Variants in SPEG observed in about 807,000 individuals in gnomAD.
The protein encoded by SPEG is striated muscle enriched protein kinase.
In SPEG, 114 loss-of-function variants were observed where a neutral mutation model predicts 300.4. The ratio of observed to expected loss-of-function variants is 0.38; its 90% CI spans 0.33 to 0.44. The LOEUF is 0.44. Among genes scored for constraint, SPEG ranks in the 20% least tolerant of loss-of-function variants. The pLI, the probability that SPEG is intolerant of heterozygous loss-of-function variation, is 1.00. For synonymous variants in SPEG, 1,964 were observed against 2,018.9 expected (o/e 0.97, Z 0.73); for missense variants, 4,201 against 4,586.2 (o/e 0.92, Z 2.43).
intron 28 of SPEG, chr2:219,482,545 C>A (rs768208523): frequency 1.5e-5 from 8 of 521,162 alleles, no homozygotes; most frequent in Non-Finnish European, 2.7e-5. Flanking sequence ...CCTAGGGGAG[C>A]CACCAGTTTC....
intron 6 of SPEG, chr2:219,460,823 A>C: frequency 1.0e-6 from 1 of 986,160 alleles, no homozygotes. Flanking sequence ...TTCTCCGTGC[A>C]GGGCCTCAGC....
rs546447725 is a variant in SPEG, at chr2:219,475,672, C to A, written c.4448-1198C>A. 2.5e-3 allele frequency among the ~76,000 whole-genome samples: 384 copies of A among 152,318 alleles called. 2 individuals are homozygous for A. The highest frequency in any genetic ancestry group is 8.8e-3 in the African/African-American group (367 of 41,564). ...CCTTTCTTCCCAGATATAGGAGGAG[C>A]CCTGAAGTTTGGGGAGCCCCTGGCC... On this transcript the variant is annotated intron_variant, in intron 18 of 40. Coordinates refer to ENST00000312358, the MANE Select transcript of SPEG (RefSeq NM_005876.5).
intron 6 of SPEG, chr2:219,460,609 C>A (rs1190808290): frequency 2.0e-6 from 2 of 985,340 alleles, no homozygotes; most frequent in Non-Finnish European, 2.4e-6. Flanking sequence ...AAAGGCAGAT[C>A]CCGCGGCTTG....
Position 219,448,153 on chromosome 2 carries a change from C to T in SPEG, c.995C>T (p.Pro332Leu), listed in dbSNP as rs746036071. ...CCCCCGGCCCAGCCCGCGGCCACCC[C>T]CACGTCGCCCCACCGTCGCACTCAG... ...PGPPAQPAAT[P>L]TSPHRRTQEP... Residue 332 changes from proline to leucine, a missense_variant, in exon 4 of 41, where the codon CCC becomes CTC. Around this residue, in one of 4 missense-constraint regions of SPEG, gnomAD observed 1,258 missense variants for 1,293.9 expected, o/e 0.97. Coordinates refer to ENST00000312358, the MANE Select transcript of SPEG (RefSeq NM_005876.5). 5.7e-5 allele frequency: 91 copies of T among 1,609,598 alleles called. No homozygotes were observed. The highest frequency in any genetic ancestry group is 1.6e-4 in the Middle Eastern group (1 of 6,062).
At chr2:219,468,516 T>G in intron 10 of SPEG, 62 bp from the exon 11 acceptor site, 1 of 1,563,534 alleles carries the variant, frequency 6.4e-7, no homozygotes, top group Non-Finnish European at 8.7e-7. Flanking sequence ...TCAGGAGTGG[T>G]GGGTTGGGAT....
At position 219,451,694 on chromosome 2, in the gene SPEG, G is replaced by A. The variant is rs771136294; in HGVS notation, c.2327G>A (p.Arg776Gln). ...CTCCTCCTCCGGGCTGAGGGTGAGC[G>A]GCACACCCTGCTGCTCAGGGAGGCC... ...GRLLLRAEGE[R>Q]HTLLLREARA... Residue 776 changes from arginine (R) to glutamine (Q), a missense_variant, in exon 6 of 41, where the codon CGG becomes CAG. By Grantham distance (43) the Arg-to-Gln change is conservative. Around this residue, in one of 4 missense-constraint regions of SPEG, gnomAD observed 1,258 missense variants for 1,293.9 expected, o/e 0.97. Coordinates refer to ENST00000312358, the MANE Select transcript of SPEG (RefSeq NM_005876.5). The surrounding 1 kb of genome is among the most constrained non-coding windows in gnomAD (Gnocchi z 6.4). 12 of 1,576,190 alleles carry A rather than the reference G, an allele frequency of 7.6e-6. No homozygotes were observed. The highest frequency in any genetic ancestry group is 4.0e-5 in the African/African-American group (3 of 74,286).
At position 219,490,414 on chromosome 2, in the gene SPEG, G is replaced by A. The variant is rs768835793; in HGVS notation, c.8927G>A (p.Arg2976His). The A allele has an allele frequency of 7.5e-6, 12 of 1,610,022 alleles. No homozygotes were observed. Among genetic ancestry groups the A allele is most frequent in the African/African-American group, 1.3e-5 (1 of 74,882 alleles). Reference protein sequence around the residue: ...YTFLEEKARGRFGVVRACREN... With the variant: ...YTFLEEKARGHFGVVRACREN... ...TCCCTCCCCCCGACACACAGGGGCC[G>A]CTTTGGTGTTGTGCGAGCGTGCCGG... Residue 2976 changes from arginine to histidine, a missense_variant, in exon 37 of 41, where the codon CGC becomes CAC. By Grantham distance (29) the Arg-to-His change is conservative. This residue lies in a region of SPEG where 318 missense variants were observed against 429.5 expected (regional missense o/e 0.74). Coordinates refer to ENST00000312358, the MANE Select transcript of SPEG (RefSeq NM_005876.5).
At chr2:219,468,793 G>A in intron 11 of SPEG, 57 bp downstream of exon 11, 1 of 1,609,106 alleles carries the variant, frequency 6.2e-7, no homozygotes, top group South Asian at 1.1e-5. Flanking sequence ...GGCGGCGATG[G>A]GGTGCACCCA....
At chr2:219,467,518 G>A (rs918066255) in intron 10 of SPEG, 84 bp downstream of exon 10, 5 of 1,487,556 alleles carry the variant, frequency 3.4e-6, no homozygotes, top group Admixed American at 1.9e-5. Flanking sequence ...AAGATGCCTG[G>A]GAAACAGAGC....
rs891268540 is a variant in SPEG, at chr2:219,443,040, A to G, written c.389-1613A>G. ...TTTCTGCTTGATGTTGCAGGTCTGG[A>G]TGGGAGGCACAGGGACCTTAGGAAC... On this transcript the variant is annotated intron_variant, in intron 1 of 40. Coordinates refer to ENST00000312358, the MANE Select transcript of SPEG (RefSeq NM_005876.5). This position sits in a 1 kb window ranked among gnomAD's most constrained non-coding sequence, Gnocchi z 4.6. 1.1e-5 allele frequency: 14 copies of G among 1,318,212 alleles called. No individual in the cohort carries two copies. Among genetic ancestry groups the G allele is most frequent in the Non-Finnish European group, 1.5e-5 (14 of 929,086 alleles). The allele number at this position is 1,318,212 out of a possible 1,614,324, so 81.7% of individuals were successfully genotyped here.
At chr2:219,491,904 C>T (rs1372449932) in intron 39 of SPEG, 35 bp downstream of exon 39, 3 of 1,543,032 alleles carry the variant, frequency 1.9e-6, no homozygotes, top group Non-Finnish European at 1.8e-6. Flanking sequence ...GCCCTCTCTG[C>T]CCATACAGTG....
At position 219,444,216 on chromosome 2, in the gene SPEG, C is replaced by T. The variant is rs538944654; in HGVS notation, c.389-437C>T. Among the ~76,000 whole-genome samples, 5 of 152,248 alleles carry T rather than the reference C, an allele frequency of 3.3e-5. No homozygotes were observed. Among genetic ancestry groups the T allele is most frequent in the South Asian group, 4.1e-4 (2 of 4,822 alleles). On this transcript the variant is annotated intron_variant, in intron 1 of 40. Transcript: ENST00000312358. This position sits in a 1 kb window ranked among gnomAD's most constrained non-coding sequence, Gnocchi z 7.8. ...CGGTTGGTCGAGTGCCCTGGCAGTA[C>T]GACTCTGAGGTGACTCCTCTTTGTT...
Position 219,477,365 on chromosome 2 carries a change from A to G in SPEG, c.4649A>G (p.Gln1550Arg), listed in dbSNP as rs570348595. Reference sequence around the variant, plus strand: ...CTGGTGGTGCTCAGCACGGGGGCCCAGGATGGAGGCGTCTACACCTGCACC... The same window carrying G: ...CTGGTGGTGCTCAGCACGGGGGCCCGGGATGGAGGCGTCTACACCTGCACC... The part of the protein sequence containing the change: ...CSLVVLSTGA[Q>R]DGGVYTCTAQ... Residue 1550 changes from glutamine (Q) to arginine (R), a missense_variant, in exon 20 of 41, where the codon CAG becomes CGG. Physicochemically the swap from Gln to Arg is conservative, Grantham distance 43. Around this residue, in one of 4 missense-constraint regions of SPEG, gnomAD observed 1,047 missense variants for 1,356.8 expected, o/e 0.77. Transcript: ENST00000312358. This position sits in a 1 kb window ranked among gnomAD's most constrained non-coding sequence, Gnocchi z 6.4. 1.9e-6 allele frequency: 3 copies of G among 1,613,124 alleles called. No individual in the cohort carries two copies. Among genetic ancestry groups the G allele is most frequent in the South Asian group, 2.2e-5 (2 of 90,852 alleles).
chr2:219,461,748 C>A, intron 6 of SPEG, 134 bp from the exon 7 acceptor site: 1 of 1,017,996 alleles, frequency 9.8e-7, no homozygotes, highest in Non-Finnish European at 1.5e-6. Flanking sequence ...TCGCAGGAGC[C>A]TGGGGGTGAA....
In SPEG at chr2:219,489,549, C is replaced by G; in HGVS notation, c.8531C>G (p.Thr2844Ser). Residue 2844 changes from threonine to serine, a missense_variant, in exon 36 of 41, where the codon ACC becomes AGC. Thr to Ser is a moderately conservative substitution (Grantham distance 58). Coordinates refer to ENST00000312358, the MANE Select transcript of SPEG (RefSeq NM_005876.5). ...SLKAVGPPPQTPPRRHRGLQA... is the reference protein window; with the variant it reads ...SLKAVGPPPQSPPRRHRGLQA... ...AAGGCTGTGGGTCCACCACCCCAAACCCCTCCACGAAGACACAGGGGCCTG... is the reference window on the plus strand; with the variant it reads ...AAGGCTGTGGGTCCACCACCCCAAAGCCCTCCACGAAGACACAGGGGCCTG... 1 of 1,613,228 alleles carries G rather than the reference C, an allele frequency of 6.2e-7. No homozygotes were observed. Among genetic ancestry groups the G allele is most frequent in the Admixed American group, 1.7e-5 (1 of 59,914 alleles).
At chr2:219,436,104 T>G (rs1485428603) in intron 1 of SPEG, among the ~76,000 whole-genome samples, 4 of 152,220 alleles carry the variant, frequency 2.6e-5, no homozygotes, top group Admixed American at 2.6e-4. Flanking sequence ...CTGGACCATG[T>G]CTACCTGAGC....
chr2:219,461,080 G>GT (rs2125392891), intron 6 of SPEG: 1 of 918,942 alleles, frequency 1.1e-6, no homozygotes, highest in East Asian at 1.2e-4. Context: ...TTTCATGTCT[G>GT]TATTTGGCAG....
chr2:219,463,392 ATTTTTTTTTTTTTTTTTTT>A lies in SPEG; in HGVS notation c.2706-1021_2706-1003del, dbSNP rs71040459. 2.0e-3 allele frequency among the ~76,000 whole-genome samples: 47 copies of A among 23,946 alleles called. 1 individual carries two copies. Among genetic ancestry groups the A allele is most frequent in the South Asian group, 0.011 (5 of 452 alleles). The allele number at this position is 23,946 out of a possible 152,430, so 15.7% of individuals were successfully genotyped here. On this transcript the variant is annotated intron_variant, in intron 8 of 40. Coordinates refer to ENST00000312358, the MANE Select transcript of SPEG (RefSeq NM_005876.5). ...AATTGATTGTCTGGTCCCCACTGTG[ATTTTTTTTTTTTTTTTTTT>A]TTTTTTTTTTTTTTTTTTTAGCTGG...
At chr2:219,440,561 T>TTTTA (rs10606358) in intron 1 of SPEG, among the ~76,000 whole-genome samples, 16,023 of 143,538 alleles carry the variant, frequency 0.11, 946 homozygotes, top group South Asian at 0.15. Context: ...ATTTATTTTA[T>TTTTA]TTTATTTATT....
Sources: allele counts gnomAD v4.1 joint callset (sites outside exome capture counted in the v4.1 genomes callset), GRCh38; gene constraint gnomAD v4.1.1; regional missense constraint gnomAD v4.1.1; non-coding constraint Gnocchi (gnomAD v3.1); transcripts MANE v1.5; gene names NCBI Gene and HGNC (gene_info 2026-07-23, HGNC 2026-07-21).